PIGU: variants seen among roughly 807,000 people sequenced by gnomAD.
PIGU encodes the protein phosphatidylinositol glycan anchor biosynthesis class U.
Under a neutral mutation model 49.9 loss-of-function variants are expected in PIGU, and 24 were observed. The ratio of observed to expected loss-of-function variants is 0.48; its 90% CI spans 0.35 to 0.68. The LOEUF is 0.68. PIGU is among the 30% of genes least tolerant of loss of function. The probability of loss-of-function intolerance (pLI) is 0.01; values close to 1 mark genes in which losing one functional copy is unlikely to be tolerated. For missense variants in PIGU, 490 were observed against 532.6 expected (o/e 0.92, Z 0.79); for synonymous variants, 220 against 205.7 (o/e 1.07, Z -0.59).
intron 7 of PIGU, among the ~76,000 whole-genome samples, chr20:34,591,020 C>T (rs571688990): frequency 4.7e-5 from 3 of 64,278 alleles, no homozygotes; most frequent in East Asian, 4.1e-4. Context: ...GACTCCGTCT[C>T]GAAAAAAAGA....
intron 7 of PIGU, among the ~76,000 whole-genome samples, chr20:34,590,094 T>TAA (rs1983893119): frequency 6.8e-6 from 1 of 145,998 alleles, no homozygotes; most frequent in Non-Finnish European, 1.5e-5. Flanking sequence ...AATGTTTTCC[T>TAA]CAAAAAAAAA....
At chr20:34,642,753 T>C (rs865889044) in intron 4 of PIGU, among the ~76,000 whole-genome samples, 2 of 145,340 alleles carry the variant, frequency 1.4e-5, no homozygotes, top group South Asian at 4.4e-4. Flanking sequence ...TCTTTTTTTT[T>C]TTTTTTTTTT....
At chr20:34,641,046 A>C (rs1385401470) in intron 4 of PIGU, among the ~76,000 whole-genome samples, 7 of 151,700 alleles carry the variant, frequency 4.6e-5, no homozygotes, top group Non-Finnish European at 1.0e-4. Flanking sequence ...GGCGCCCACC[A>C]CCGCGCCCGG....
chr20:34,629,093 T>C (rs1344742582), intron 6 of PIGU, among the ~76,000 whole-genome samples: 1 of 151,694 alleles, frequency 6.6e-6, no homozygotes, highest in Non-Finnish European at 1.5e-5. Flanking sequence ...CTCAGCTCAC[T>C]GAAACCTCTG....
chr20:34,580,434 G>A (rs913680277), intron 10 of PIGU, among the ~76,000 whole-genome samples: 1 of 152,212 alleles, frequency 6.6e-6, no homozygotes, highest in African/African-American at 2.4e-5. Flanking sequence ...CCTTCACTCA[G>A]AGGCACACTC....
chr20:34,606,072 G>A (rs567017619), intron 7 of PIGU, among the ~76,000 whole-genome samples: 6 of 151,998 alleles, frequency 3.9e-5, no homozygotes, highest in East Asian at 1.9e-4. Context: ...TGGCCAACAC[G>A]GTGAAACCCC....
At chr20:34,656,715 G>GT (rs1206952828) in intron 2 of PIGU, among the ~76,000 whole-genome samples, 2 of 149,606 alleles carry the variant, frequency 1.3e-5, no homozygotes, top group Non-Finnish European at 3.0e-5. Context: ...GCAGTGAACC[G>GT]TGATTGTGTC....
At chr20:34,592,164 G>C (rs1334309746) in intron 7 of PIGU, among the ~76,000 whole-genome samples, 1 of 150,984 alleles carries the variant, frequency 6.6e-6, no homozygotes, top group Non-Finnish European at 1.5e-5. Context: ...ACTCGAGCCT[G>C]GGTGACACAG....
At chr20:34,672,557 T>C (rs1987339372) in intron 1 of PIGU, among the ~76,000 whole-genome samples, 1 of 151,472 alleles carries the variant, frequency 6.6e-6, no homozygotes, top group Non-Finnish European at 1.5e-5. Context: ...GTTGCACTTA[T>C]TCAAAAAAAA....
At chr20:34,611,668 C>CAAAAAAAAAAAAAACCA (rs149027105) in intron 7 of PIGU, among the ~76,000 whole-genome samples, 1 of 106,478 alleles carries the variant, frequency 9.4e-6, no homozygotes, top group Non-Finnish European at 1.9e-5. Flanking sequence ...AAAAAAAAGA[C>CAAAAAAAAAAAAAACCA]AAAAAAAAAA....
intron 9 of PIGU, among the ~76,000 whole-genome samples, chr20:34,582,352 G>A (rs184825329): frequency 1.0e-3 from 159 of 152,134 alleles, no homozygotes; most frequent in Non-Finnish European, 1.7e-3. Flanking sequence ...ATCCTCTCAC[G>A]TGATCCTCAC....
chr20:34,625,376 A>C (rs1221282002), intron 6 of PIGU, among the ~76,000 whole-genome samples: 5 of 151,834 alleles, frequency 3.3e-5, no homozygotes, highest in South Asian at 2.1e-4. Context: ...CTCAAAAAAA[A>C]AAAAAACAAA....
chr20:34,622,986 G>A (rs571813963), intron 6 of PIGU, among the ~76,000 whole-genome samples: 2 of 152,208 alleles, frequency 1.3e-5, no homozygotes, highest in African/African-American at 4.8e-5. Flanking sequence ...AGCAAGACCG[G>A]GGGTAATACT....
chr20:34,634,539 A>C (rs964569320), intron 6 of PIGU, 76 bp downstream of exon 6: 4 of 1,457,066 alleles, frequency 2.7e-6, no homozygotes, highest in Non-Finnish European at 2.7e-6. Context: ...AAAACAAAAC[A>C]AAACCACAGC....
At chr20:34,664,693 C>CA (rs200407869) in intron 1 of PIGU, among the ~76,000 whole-genome samples, 13 of 150,936 alleles carry the variant, frequency 8.6e-5, no homozygotes, top group Non-Finnish European at 1.3e-4. Flanking sequence ...AAAAAACCAA[C>CA]AAAAAAAAGT....
At chr20:34,665,789 A>G (rs935988184) in intron 1 of PIGU, among the ~76,000 whole-genome samples, 2 of 152,118 alleles carry the variant, frequency 1.3e-5, no homozygotes, top group Admixed American at 6.6e-5. Flanking sequence ...TCATCTATGT[A>G]CATCTAAGGC....
rs1474128457 is a variant in PIGU, at chr20:34,560,914, G to C, written c.1260C>G (p.Leu420=). Residue 420 remains leucine (L), a synonymous_variant, in exon 12 of 12, where the codon CTC becomes CTG. Transcript: ENST00000217446. ...LRREYYLTHG[L]YLTAKDGTEA... ...CTGTGCCATCCTTGGCGGTCAAGTA[G>C]AGGCCATGTGTGAGGTAGTACTCCC... The C allele has an allele frequency of 6.2e-7, 1 of 1,613,078 alleles. No individual in the cohort carries two copies. Among genetic ancestry groups the C allele is most frequent in the Admixed American group, 1.7e-5 (1 of 59,960 alleles).
intron 6 of PIGU, among the ~76,000 whole-genome samples, chr20:34,623,073 A>G (rs1008404831): frequency 7.9e-5 from 12 of 152,210 alleles, no homozygotes; most frequent in African/African-American, 2.9e-4. Flanking sequence ...CAGGAATGTA[A>G]TGAGGTGGGG....
intron 11 of PIGU, among the ~76,000 whole-genome samples, chr20:34,566,304 C>T (rs1045216144): frequency 3.9e-5 from 6 of 152,246 alleles, no homozygotes; most frequent in Admixed American, 1.3e-4. Context: ...GTTCTATGGC[C>T]CCAGGCCCGG....
Sources: gnomAD v4.1 joint callset for allele counts (sites outside exome capture counted in the v4.1 genomes callset) on GRCh38, gnomAD v4.1.1 for gene constraint, MANE v1.5 for transcripts, NCBI Gene and HGNC (gene_info 2026-07-23, HGNC 2026-07-21) for gene names.